TLK2: variants seen among roughly 807,000 people sequenced by gnomAD.
The protein encoded by TLK2 is tousled like kinase 2.
In TLK2, 6 loss-of-function variants were observed where a neutral mutation model predicts 117.3. That is an observed-to-expected ratio of 0.05 (90% CI 0.03 to 0.10). TLK2 has a LOEUF of 0.10. TLK2 is among the 10% of genes least tolerant of loss of function. The pLI, the probability that TLK2 is intolerant of heterozygous loss-of-function variation, is 1.00. For synonymous variants in TLK2, 257 were observed against 316.7 expected, an observed-to-expected ratio of 0.81 and a Z score of 2.00; for missense variants, 299 against 901.2, an observed-to-expected ratio of 0.33 and a Z score of 8.56.
chr17:62,554,777 G>A (rs756485724), intron 9 of TLK2, among the ~76,000 whole-genome samples: 6 of 149,320 alleles, frequency 4.0e-5, no homozygotes, highest in African/African-American at 1.2e-4. Context: ...TACTGGGAGC[G>A]TGAGGTGGGA....
In TLK2 at chr17:62,548,195, A is replaced by G. The variant is rs948280153; in HGVS notation, c.532-4107A>G. On this transcript the variant is annotated intron_variant, in intron 7 of 21. Transcript: ENST00000346027. Reference sequence around the variant, plus strand: ...GAACTTCCTAACTGCCTACTTCCTCAGTTTACTTTTGCATTTTACTTATCA... The same window carrying G: ...GAACTTCCTAACTGCCTACTTCCTCGGTTTACTTTTGCATTTTACTTATCA... Among the ~76,000 whole-genome samples the G allele has an allele frequency of 2.2e-5, 3 of 136,630 alleles. 1 individual carries two copies. Among genetic ancestry groups the G allele is most frequent in the Non-Finnish European group, 4.7e-5 (3 of 63,918 alleles). 89.6% of individuals were successfully genotyped at this position (136,630 alleles called of 152,430 possible).
intron 2 of TLK2, among the ~76,000 whole-genome samples, chr17:62,506,888 C>G (rs2145150268): frequency 6.6e-6 from 1 of 152,072 alleles, no homozygotes; most frequent in East Asian, 1.9e-4. Flanking sequence ...GTACTGTTTT[C>G]CCTTAGAATT....
intron 2 of TLK2, among the ~76,000 whole-genome samples, chr17:62,518,094 GT>G (rs1243716360): frequency 6.6e-6 from 1 of 152,176 alleles, no homozygotes; most frequent in Non-Finnish European, 1.5e-5. Flanking sequence ...TTTATGCTTA[GT>G]GTTTCATTAT....
intron 15 of TLK2, among the ~76,000 whole-genome samples, chr17:62,581,585 G>T (rs1218645269): frequency 6.6e-6 from 1 of 151,818 alleles, no homozygotes; most frequent in East Asian, 1.9e-4. Flanking sequence ...TTACAGGTGT[G>T]TACCACCATA....
intron 9 of TLK2, among the ~76,000 whole-genome samples, chr17:62,555,147 A>G (rs2078760409): frequency 1.3e-5 from 2 of 152,128 alleles, no homozygotes; most frequent in South Asian, 4.1e-4. Flanking sequence ...CTAATGTGGT[A>G]GTTAATCTGA....
At chr17:62,587,984 T>C (rs923541415) in intron 16 of TLK2, among the ~76,000 whole-genome samples, 1 of 149,502 alleles carries the variant, frequency 6.7e-6, no homozygotes, top group African/African-American at 2.5e-5. Context: ...TATACATCTG[T>C]ATATGTATAA....
intron 2 of TLK2, among the ~76,000 whole-genome samples, chr17:62,496,184 CTA>C (rs1471296815): frequency 1.3e-5 from 2 of 152,006 alleles, no homozygotes; most frequent in African/African-American, 4.8e-5. Context: ...ATTATATAAA[CTA>C]TTGTGCATTT....
At chr17:62,493,090 C>G (rs1377182330) in intron 2 of TLK2, among the ~76,000 whole-genome samples, 1 of 152,078 alleles carries the variant, frequency 6.6e-6, no homozygotes, top group Non-Finnish European at 1.5e-5. Context: ...AAGCAAGACT[C>G]CGTCTCAAAA....
At chr17:62,608,004 C>T in intron 20 of TLK2, 37 bp from the exon 21 acceptor site, 1 of 1,540,050 alleles carries the variant, frequency 6.5e-7, no homozygotes, top group Non-Finnish European at 8.9e-7. Flanking sequence ...TAATTTTCAT[C>T]AGAGGCCTAC....
chr17:62,513,014 G>A (rs549772847), intron 2 of TLK2, among the ~76,000 whole-genome samples: 2 of 151,472 alleles, frequency 1.3e-5, no homozygotes, highest in South Asian at 4.2e-4. Flanking sequence ...AGGTAGCTGG[G>A]ATTACAGGCA....
intron 2 of TLK2, among the ~76,000 whole-genome samples, chr17:62,518,900 A>G (rs2075826540): frequency 6.6e-6 from 1 of 152,120 alleles, no homozygotes; most frequent in Non-Finnish European, 1.5e-5. Context: ...GTTTTGAGAC[A>G]AGGTCTTGGC....
chr17:62,496,243 A>C lies in TLK2; in HGVS notation c.81+15037A>C, dbSNP rs2073670599. On this transcript the variant is annotated intron_variant, in intron 2 of 21. Transcript: ENST00000346027. ...TTCAGGAATTGTTTTACATTCATACATATAGAGCTTCTTTGTTCTTTTTTT... is the reference window on the plus strand; with the variant it reads ...TTCAGGAATTGTTTTACATTCATACCTATAGAGCTTCTTTGTTCTTTTTTT... Among the ~76,000 whole-genome samples, 3 of 152,154 alleles carry C rather than the reference A, an allele frequency of 2.0e-5. No individual in the cohort carries two copies. In the South Asian group the frequency reaches 6.2e-4, roughly 32 times the overall value.
chr17:62,558,291 C>T (rs1460887022), intron 9 of TLK2, among the ~76,000 whole-genome samples: 2 of 152,042 alleles, frequency 1.3e-5, no homozygotes, highest in African/African-American at 4.8e-5. Flanking sequence ...GCCTCCCGAA[C>T]AGCTGGCATC....
chr17:62,586,439 C>T (rs1301627940), intron 16 of TLK2, among the ~76,000 whole-genome samples: 1 of 152,160 alleles, frequency 6.6e-6, no homozygotes, highest in Non-Finnish European at 1.5e-5. Flanking sequence ...GTATTTAAAT[C>T]CAGACTTTCC....
intron 2 of TLK2, among the ~76,000 whole-genome samples, chr17:62,519,495 G>A (rs2075876113): frequency 6.6e-6 from 1 of 152,074 alleles, no homozygotes; most frequent in Non-Finnish European, 1.5e-5. Flanking sequence ...ATGCATGTTA[G>A]AATTTGCCTA....
chr17:62,535,940 A>G (rs1338868889), intron 6 of TLK2, among the ~76,000 whole-genome samples: 3 of 152,202 alleles, frequency 2.0e-5, no homozygotes, highest in Admixed American at 6.5e-5. Flanking sequence ...TCTCATAAAT[A>G]TAGAACCATT....
chr17:62,573,517 T>C, intron 12 of TLK2, 150 bp downstream of exon 12: 2 of 1,085,756 alleles, frequency 1.8e-6, no homozygotes, highest in Non-Finnish European at 1.3e-6. Flanking sequence ...TCAACTCATA[T>C]AAATGCCATA....
intron 6 of TLK2, among the ~76,000 whole-genome samples, chr17:62,534,204 A>G (rs1301397627): frequency 1.3e-5 from 2 of 152,190 alleles, no homozygotes; most frequent in Non-Finnish European, 2.9e-5. Context: ...AAATTCTACA[A>G]AAACAACTGC....
At chr17:62,594,429 CA>C (rs1460355233) in intron 16 of TLK2, among the ~76,000 whole-genome samples, 2 of 152,080 alleles carry the variant, frequency 1.3e-5, no homozygotes, top group Non-Finnish European at 2.9e-5. Context: ...AAGTGCAGTA[CA>C]TAAGCCCTCA....
Sources: gnomAD v4.1 joint callset for allele counts (sites outside exome capture counted in the v4.1 genomes callset) on GRCh38, gnomAD v4.1.1 for gene constraint, MANE v1.5 for transcripts, NCBI Gene and HGNC (gene_info 2026-07-23, HGNC 2026-07-21) for gene names.